MSN: variants seen among roughly 807,000 people sequenced by gnomAD.
The protein encoded by MSN is moesin, also known as epididymis luminal protein 70.
In MSN, 2 loss-of-function variants were observed where a neutral mutation model predicts 48.0. The ratio of observed to expected loss-of-function variants is 0.04; its 90% confidence interval spans 0.02 to 0.13. The LOEUF (loss-of-function observed/expected upper bound fraction) is 0.13. Ranked by LOEUF, MSN falls within the 10% of genes least tolerant of loss-of-function variation. The pLI, the probability that MSN is intolerant of heterozygous loss-of-function variation, is 1.00. For synonymous variants in MSN, 146 were observed against 166.9 expected (o/e 0.87, Z 0.97); for missense variants, 267 against 470.1 (o/e 0.57, Z 3.99).
intron 1 of MSN, among the ~76,000 whole-genome samples, chrX:65,680,017 G>A (rs1376530384): frequency 3.6e-5 from 4 of 112,313 alleles, no homozygotes; most frequent in African/African-American, 1.3e-4. Flanking sequence ...CTTGCTGGAA[G>A]CTTCTCATTC....
In MSN at chrX:65,736,918, T is replaced by A; in HGVS notation, c.1083T>A (p.Ala361=). ...AGATCGAGGAACAGACTAAGAAGGCTCAGCAAGGTGAGGCTTGGAGTCACC... is the reference window on the plus strand; with the variant it reads ...AGATCGAGGAACAGACTAAGAAGGCACAGCAAGGTGAGGCTTGGAGTCACC... ...LKQIEEQTKK[A]QQELEEQTRR... is the part of the protein sequence containing the mutation. The change falls in exon 9 of 13, where the codon GCT becomes GCA. Residue 361 remains alanine, a synonymous_variant. Coordinates refer to ENST00000360270, the MANE Select transcript of MSN (RefSeq NM_002444.3). 1 of 1,208,495 alleles carries A rather than the reference T, an allele frequency of 8.3e-7. No homozygotes were observed. Among genetic ancestry groups the A allele is most frequent in the Non-Finnish European group, 1.1e-6 (1 of 893,982 alleles).
chrX:65,698,033 T>C (rs749570374), intron 1 of MSN, among the ~76,000 whole-genome samples: 1 of 111,804 alleles, frequency 8.9e-6, no homozygotes, highest in Admixed American at 9.4e-5. Context: ...GTAATGACAT[T>C]ATCTTTCCTT....
At position 65,723,500 on chromosome X, in the gene MSN, G is replaced by A. The variant is rs771432762; in HGVS notation, c.97-4314G>A. Among the ~76,000 whole-genome samples the A allele has an allele frequency of 2.2e-4, 25 of 111,629 alleles. No homozygotes were observed. The South Asian group carries it at 6.4e-3, about 28-fold the overall frequency. On this transcript the variant is annotated intron_variant, in intron 2 of 12. Transcript: ENST00000360270. ...TAAGCTGGCTGTCGGGTCAAAGGGA[G>A]CCAATAAAGAATTTTCTTTTTCCTC...
intron 1 of MSN, among the ~76,000 whole-genome samples, chrX:65,598,434 A>C: frequency 9.0e-6 from 1 of 110,918 alleles, no homozygotes; most frequent in Middle Eastern, 4.6e-3. Flanking sequence ...AAGAGACAGA[A>C]ACAAGGAAAG....
At position 65,667,676 on chromosome X, in the gene MSN, G is replaced by A. The variant is rs751658909; in HGVS notation, c.-166G>A. The A allele has an allele frequency of 3.7e-4, 402 of 1,079,431 alleles. 1 individual carries two copies. The South Asian group carries it at 8.5e-3, about 23-fold the overall frequency. 89.0% of individuals were successfully genotyped at this position (1,079,431 alleles called of 1,213,427 possible). On this transcript the variant is annotated 5_prime_UTR_variant, in exon 1 of 13. In the 5' UTR this introduces an upstream ATG that the reference lacks. Transcript: ENST00000360270. Reference sequence around the variant, plus strand: ...GGCGGCTCTTTCCTGGGTGGGGTTTGTGAAGTCGTGGCCCGTTAGCAGGAA... The same window carrying A: ...GGCGGCTCTTTCCTGGGTGGGGTTTATGAAGTCGTGGCCCGTTAGCAGGAA...
At chrX:65,608,735 G>A (rs1032837240) in intron 1 of MSN, among the ~76,000 whole-genome samples, 5 of 111,103 alleles carry the variant, frequency 4.5e-5, no homozygotes, top group Non-Finnish European at 7.5e-5. Flanking sequence ...TGGTCTAAGT[G>A]TACCAGGCAT....
At chrX:65,691,661 C>T (rs939119022) in intron 1 of MSN, among the ~76,000 whole-genome samples, 6 of 110,669 alleles carry the variant, frequency 5.4e-5, no homozygotes, top group East Asian at 5.7e-4. Context: ...CCCGCCTCCA[C>T]GCCTGGTTAA....
At chrX:65,712,844 CT>C (rs908604485) in intron 1 of MSN, among the ~76,000 whole-genome samples, 3 of 111,098 alleles carry the variant, frequency 2.7e-5, no homozygotes, top group Non-Finnish European at 3.8e-5. Context: ...AAAAATCAAT[CT>C]TTTTTTTCTT....
At chrX:65,618,014 G>A (rs1041179968) in intron 1 of MSN, among the ~76,000 whole-genome samples, 1 of 109,435 alleles carries the variant, frequency 9.1e-6, no homozygotes, top group Non-Finnish European at 1.9e-5. Context: ...TAGTTGAGCG[G>A]TATTGAGTGA....
chrX:65,601,407 C>T (rs1264571972), intron 1 of MSN, among the ~76,000 whole-genome samples: 1 of 112,211 alleles, frequency 8.9e-6, no homozygotes, highest in Non-Finnish European at 1.9e-5. Context: ...TCACACCTTC[C>T]TCCCTCTCCC....
intron 1 of MSN, among the ~76,000 whole-genome samples, chrX:65,617,357 G>A (rs2070384364): frequency 1.8e-5 from 2 of 110,076 alleles, no homozygotes; most frequent in East Asian, 2.8e-4. Flanking sequence ...TGGTTGGTAA[G>A]CTATTGATTA....
chrX:65,631,266 GT>G (rs2070555619), intron 1 of MSN, among the ~76,000 whole-genome samples: 1 of 109,610 alleles, frequency 9.1e-6, no homozygotes, highest in East Asian at 2.9e-4. Flanking sequence ...GATAATTTTT[GT>G]TTTTTTAGTA....
intron 8 of MSN, among the ~76,000 whole-genome samples, chrX:65,735,698 A>G (rs113226213): frequency 0.014 from 1,534 of 112,621 alleles, 36 homozygotes; most frequent in African/African-American, 0.047. Context: ...TACATAACTC[A>G]AGGTACAAAG....
intron 1 of MSN, among the ~76,000 whole-genome samples, chrX:65,641,556 A>G (rs1194745829): frequency 2.2e-4 from 3 of 13,852 alleles, no homozygotes; most frequent in Non-Finnish European, 3.7e-4. Flanking sequence ...TGAAGTATAT[A>G]TATATATATA....
At chrX:65,736,725 C>G (rs1457688117) in intron 8 of MSN, 70 bp from the exon 9 acceptor site, 1 of 1,111,788 alleles carries the variant, frequency 9.0e-7, no homozygotes, top group Admixed American at 2.8e-5. Context: ...TGTGAGCCAC[C>G]GCGCCTGGCC....
intron 1 of MSN, among the ~76,000 whole-genome samples, chrX:65,658,218 A>G (rs1232220421): frequency 8.9e-6 from 1 of 111,788 alleles, no homozygotes; most frequent in Non-Finnish European, 1.9e-5. Flanking sequence ...AGACAACAGT[A>G]TCTAAAGAAT....
chrX:65,601,367 G>A (rs940191785), intron 1 of MSN, among the ~76,000 whole-genome samples: 12 of 112,095 alleles, frequency 1.1e-4, no homozygotes, highest in Non-Finnish European at 2.3e-4. Flanking sequence ...AGGGGAGGAA[G>A]CAGTTGGGGC....
chrX:65,598,776 T>G lies in MSN; in HGVS notation c.-22+10164T>G, dbSNP rs150324771. Reference sequence around the variant, plus strand: ...TAACACAGGAAGAGTGCCAGCACATTGTCTGCTGCAGAAGAGGCACTGGCA... The same window carrying G: ...TAACACAGGAAGAGTGCCAGCACATGGTCTGCTGCAGAAGAGGCACTGGCA... On this transcript the variant is annotated intron_variant, in intron 1 of 3. Coordinates refer to the MSN transcript ENST00000609672. Among the ~76,000 whole-genome samples, 61 of 111,914 alleles carry G rather than the reference T, an allele frequency of 5.5e-4. 1 individual carries two copies. In the East Asian group the frequency reaches 0.017, roughly 30 times the overall value.
intron 1 of MSN, among the ~76,000 whole-genome samples, chrX:65,691,631 A>G (rs985700932): frequency 9.1e-6 from 1 of 110,476 alleles, no homozygotes. Flanking sequence ...CAGCCTCCCG[A>G]GTAGCTGGGA....
Sources: allele counts gnomAD v4.1 joint callset (sites outside exome capture counted in the v4.1 genomes callset), GRCh38; gene constraint gnomAD v4.1.1; transcripts MANE v1.5; gene names NCBI Gene and HGNC (gene_info 2026-07-23, HGNC 2026-07-21).